Variants in PAFAH2 observed in about 807,000 individuals in gnomAD.
PAFAH2 encodes the protein platelet-activating factor acetylhydrolase 2, cytoplasmic.
In PAFAH2, 42 loss-of-function variants were observed where a neutral mutation model predicts 49.0. The observed-to-expected ratio is 0.86, with a 90% CI of 0.67 to 1.11. The LOEUF (loss-of-function observed/expected upper bound fraction) is 1.11. PAFAH2 is among the 50% of genes least tolerant of loss of function. PAFAH2 has a pLI of 0.00. For missense variants in PAFAH2, 503 were observed against 501.8 expected, an observed-to-expected ratio of 1.00 and a Z score of -0.02; for synonymous variants, 184 against 181.3, an observed-to-expected ratio of 1.01 and a Z score of -0.12.
chr1:25,965,978 CAAAAG>C, intron 10 of PAFAH2, among the ~76,000 whole-genome samples: 1 of 148,850 alleles, frequency 6.7e-6, no homozygotes, highest in East Asian at 2.0e-4. Context: ...ACATTTTTTT[CAAAAG>C]AAGACATACA....
chr1:25,983,076 C>T (rs1298668527), intron 6 of PAFAH2, among the ~76,000 whole-genome samples: 2 of 152,152 alleles, frequency 1.3e-5, no homozygotes, highest in Admixed American at 1.3e-4. Context: ...GCTGAACACA[C>T]ACAAGGTCAG....
At chr1:25,966,904 C>T (rs368723485) in intron 10 of PAFAH2, among the ~76,000 whole-genome samples, 57 of 151,750 alleles carry the variant, frequency 3.8e-4, no homozygotes, top group African/African-American at 1.3e-3. Context: ...TGGTGGTGGG[C>T]GCCTGTAGTC....
In PAFAH2 at chr1:25,983,866, T is replaced by C. The variant is rs959452110; in HGVS notation, c.552+80A>G. The C allele has an allele frequency of 5.3e-5, 78 of 1,471,018 alleles. No homozygotes were observed. The African/African-American group carries it at 1.0e-3, about 20-fold the overall frequency. 91.1% of individuals were successfully genotyped at this position (1,471,018 alleles called of 1,614,324 possible). On this transcript the variant is annotated intron_variant, in intron 6 of 10. Coordinates refer to ENST00000374282, the MANE Select transcript of PAFAH2 (RefSeq NM_000437.4). Reference sequence around the variant, plus strand: ...TATGACTGACATTTCAAGAGAGGGTTAACTAAAAGTCTTGCTATCAAATAT... The same window carrying C: ...TATGACTGACATTTCAAGAGAGGGTCAACTAAAAGTCTTGCTATCAAATAT...
chr1:25,965,752 A>G (rs2049410112), intron 10 of PAFAH2, among the ~76,000 whole-genome samples: 1 of 136,956 alleles, frequency 7.3e-6, no homozygotes, highest in Non-Finnish European at 1.5e-5. Context: ...TGGGGGGCAG[A>G]GGTCACAGTA....
chr1:25,983,565 A>AC (rs1471153736), intron 6 of PAFAH2, among the ~76,000 whole-genome samples: 7 of 151,764 alleles, frequency 4.6e-5, no homozygotes, highest in Non-Finnish European at 8.8e-5. Context: ...TCAAAAACAA[A>AC]AAAAAAAACA....
intron 4 of PAFAH2, among the ~76,000 whole-genome samples, chr1:25,985,094 T>G (rs2049762376): frequency 6.6e-6 from 1 of 152,090 alleles, no homozygotes; most frequent in Admixed American, 6.6e-5. Context: ...CCTGACCTCG[T>G]GATCCGCCCA....
Position 25,984,056 on chromosome 1 carries a change from T to G in PAFAH2, c.442A>C (p.Lys148Gln). The G allele has an allele frequency of 6.2e-7, 1 of 1,614,138 alleles. No individual in the cohort carries two copies. Among genetic ancestry groups the G allele is most frequent in the South Asian group, 1.1e-5 (1 of 91,078 alleles). Residue 148 changes from lysine to glutamine, a missense_variant, in exon 6 of 11, where the codon AAG becomes CAG. Physicochemically the swap from Lys to Gln is moderately conservative, Grantham distance 53. Coordinates refer to ENST00000374282, the MANE Select transcript of PAFAH2 (RefSeq NM_000437.4). ...GGCTGGTTCTCTTCTGGGGCCTGCTTGCAGAAATAGGTGGTTGCCGCTGAC... is the reference window on the plus strand; with the variant it reads ...GGCTGGTTCTCTTCTGGGGCCTGCTGGCAGAAATAGGTGGTTGCCGCTGAC... ...DRSAATTYFCKQAPEENQPTN... is the reference protein window; with the variant it reads ...DRSAATTYFCQQAPEENQPTN...
intron 3 of PAFAH2, 55 bp from the exon 4 acceptor site, chr1:25,988,382 G>C: frequency 4.4e-6 from 6 of 1,364,602 alleles, no homozygotes; most frequent in Non-Finnish European, 5.2e-6. Context: ...GTTATCCCAA[G>C]GGCAGCCTGA....
chr1:25,990,590 G>C (rs1293776401), intron 2 of PAFAH2, 137 bp downstream of exon 2: 1 of 645,050 alleles, frequency 1.6e-6, no homozygotes, highest in African/African-American at 1.8e-5. Flanking sequence ...GACAGACCTG[G>C]GGGCTTGATA....
chr1:25,975,971 C>G (rs116212155), intron 8 of PAFAH2, among the ~76,000 whole-genome samples: 1,732 of 152,222 alleles, frequency 0.011, 27 homozygotes, highest in African/African-American at 0.038. Context: ...ATTGCCTCCC[C>G]CTCACTCACT....
intron 1 of PAFAH2, 189 bp from the exon 2 acceptor site, chr1:25,991,052 T>C (rs1207967316): frequency 4.2e-6 from 2 of 475,558 alleles, no homozygotes; most frequent in East Asian, 3.8e-5. Flanking sequence ...TTTTTTATTT[T>C]GCTAGGGTGA....
chr1:25,984,222 C>T, intron 5 of PAFAH2, 135 bp from the exon 6 acceptor site: 1 of 1,027,282 alleles, frequency 9.7e-7, no homozygotes, highest in Non-Finnish European at 1.5e-6. Context: ...CTGGGGCATG[C>T]ATAGGGAAGT....
At position 25,976,770 on chromosome 1, in the gene PAFAH2, T is replaced by C. The variant is rs1198202528; in HGVS notation, c.670A>G (p.Asn224Asp). ...GGLDLMTLKG[N>D]IDMSRVAVMG... ...ACAGCCACACGGCTCATGTCAATGT[T>C]GCCCTGAGGAAAGTGGAGAACTTAG... The change falls in exon 8 of 11, where the codon AAC becomes GAC. Residue 224 changes from asparagine to aspartate, a missense_variant. By Grantham distance (23) the Asn-to-Asp change is conservative. Coordinates refer to ENST00000374282, the MANE Select transcript of PAFAH2 (RefSeq NM_000437.4). The C allele has an allele frequency of 1.9e-6, 3 of 1,613,688 alleles. No individual in the cohort carries two copies. Among genetic ancestry groups the C allele is most frequent in the Non-Finnish European group, 2.5e-6 (3 of 1,179,696 alleles).
In PAFAH2 at chr1:25,984,445, C is replaced by T. The variant is rs2049747569; in HGVS notation, c.410+15G>A. ...CTCACTGCAGGCACCCAATCCATGG[C>T]GGCTCATCCCTCACCTGTGCTCTGG... On this transcript the variant is annotated intron_variant, in intron 5 of 10. Coordinates refer to ENST00000374282, the MANE Select transcript of PAFAH2 (RefSeq NM_000437.4). 9 of 1,606,102 alleles carry T rather than the reference C, an allele frequency of 5.6e-6. No homozygotes were observed. The highest frequency in any genetic ancestry group is 1.6e-4 in the Middle Eastern group (1 of 6,068).
chr1:25,984,367 T>C (rs550148477), intron 5 of PAFAH2, 93 bp downstream of exon 5: 11 of 961,882 alleles, frequency 1.1e-5, no homozygotes, highest in African/African-American at 1.6e-5. Flanking sequence ...GCTTGCACGG[T>C]TGTCGAGAGG....
chr1:25,971,389 G>C (rs2049507007), intron 10 of PAFAH2, among the ~76,000 whole-genome samples: 1 of 152,144 alleles, frequency 6.6e-6, no homozygotes, highest in Non-Finnish European at 1.5e-5. Flanking sequence ...ATGGCAGTGA[G>C]CAGTGGGAGC....
rs553001961 is a variant in PAFAH2 at position 25,981,768 on chromosome 1, C to T, written c.666+596G>A. ...TGGCGTGGTGGTTCACGCCTGTAAT[C>T]CCAGCACTTAGGGAGGCCGAGGCGG... On this transcript the variant is annotated intron_variant, in intron 7 of 10. Coordinates refer to ENST00000374282, the MANE Select transcript of PAFAH2 (RefSeq NM_000437.4). Among the ~76,000 whole-genome samples the T allele has an allele frequency of 6.6e-5, 10 of 152,292 alleles. No homozygotes were observed. In the East Asian group the frequency reaches 1.7e-3, roughly 27 times the overall value.
chr1:25,979,651 C>T (rs551558003), intron 7 of PAFAH2, among the ~76,000 whole-genome samples: 1 of 152,082 alleles, frequency 6.6e-6, no homozygotes, highest in Admixed American at 6.5e-5. Flanking sequence ...CCATGCCCAG[C>T]TAATTTTTTT....
rs755025755 is a variant in PAFAH2 at position 25,972,582 on chromosome 1, A to G, written c.1060T>C (p.Leu354=). ...EGQEVMVRAM[L]AFLQKHLDLK... Reference sequence around the variant, plus strand: ...CCGAGGTGCTTCTGCAGGAAGGCCAACATGGCCCGTACCATAACCTCCTGC... The same window carrying G: ...CCGAGGTGCTTCTGCAGGAAGGCCAGCATGGCCCGTACCATAACCTCCTGC... Residue 354 remains leucine (L), a synonymous_variant, in exon 10 of 11, where the codon TTG becomes CTG. Coordinates refer to ENST00000374282, the MANE Select transcript of PAFAH2 (RefSeq NM_000437.4). 3.7e-6 allele frequency: 6 copies of G among 1,613,902 alleles called. No individual in the cohort carries two copies. Among genetic ancestry groups the G allele is most frequent in the Admixed American group, 3.3e-5 (2 of 60,022 alleles).
Sources: allele counts gnomAD v4.1 joint callset (sites outside exome capture counted in the v4.1 genomes callset), GRCh38; gene constraint gnomAD v4.1.1; transcripts MANE v1.5; gene names NCBI Gene and HGNC (gene_info 2026-07-23, HGNC 2026-07-21).